Variants in PARVG observed in about 807,000 individuals in gnomAD.
PARVG encodes parvin gamma.
PARVG carries 36 observed loss-of-function variants against 44.4 expected under a neutral mutation model. The observed-to-expected ratio is 0.81, with a 90% CI of 0.62 to 1.07. The LOEUF (loss-of-function observed/expected upper bound fraction) is 1.07, where lower values mean the gene tolerates loss of function less well. Ranked by LOEUF, PARVG falls within the 50% of genes least tolerant of loss-of-function variation. PARVG has a pLI of 0.00. For missense variants in PARVG, 407 were observed against 407.4 expected (o/e 1.00, Z 0.01); for synonymous variants, 170 against 174.1 (o/e 0.98, Z 0.19).
chr22:44,181,949 A>C (rs956829423), intron 2 of PARVG, 32 bp downstream of exon 2: 3 of 985,380 alleles, frequency 3.0e-6, no homozygotes, highest in Non-Finnish European at 3.6e-6. Context: ...ACCATACTTG[A>C]GTGTTGGGGG....
chr22:44,183,842 G>C (rs1399637186), intron 3 of PARVG: 4 of 390,446 alleles, frequency 1.0e-5, no homozygotes, highest in African/African-American at 8.3e-5. Flanking sequence ...GCCCAAGGAG[G>C]GTGGTCCCAG....
At chr22:44,180,406 A>G (rs946531081), upstream of PARVG, among the ~76,000 whole-genome samples, 6 of 152,116 alleles carry the variant, frequency 3.9e-5, no homozygotes, top group African/African-American at 1.2e-4. Context: ...TGCTGCTGGG[A>G]CTGTGACTGC....
intron 5 of PARVG, 133 bp from the exon 6 acceptor site, chr22:44,188,981 C>T (rs1479906820): frequency 1.6e-6 from 2 of 1,228,014 alleles, no homozygotes; most frequent in African/African-American, 1.5e-5. Flanking sequence ...GGCCCACGGT[C>T]CAACACCAAG....
chr22:44,193,740 T>C (rs2054580878), intron 8 of PARVG, 61 bp from the exon 9 acceptor site: 1 of 1,596,780 alleles, frequency 6.3e-7, no homozygotes, highest in Non-Finnish European at 8.5e-7. Flanking sequence ...ATTGAGAAAT[T>C]GTAGGTTTGC....
At chr22:44,187,743 T>A in intron 4 of PARVG, 33 bp from the exon 5 acceptor site, 1 of 1,606,262 alleles carries the variant, frequency 6.2e-7, no homozygotes, top group South Asian at 1.1e-5. Context: ...GAAGTCTCCA[T>A]CCCCCCAAAA....
At chr22:44,174,493 G>T (rs765759811) in intron 1 of PARVG, among the ~76,000 whole-genome samples, 4 of 151,944 alleles carry the variant, frequency 2.6e-5, no homozygotes, top group Non-Finnish European at 5.9e-5. Context: ...GATCACTTGA[G>T]GCTAGGAGTT....
Position 44,195,554 on chromosome 22 carries a change from G to C in PARVG, c.584-601G>C, listed in dbSNP as rs114559389. 7.1e-3 allele frequency among the ~76,000 whole-genome samples: 1,082 copies of C among 152,368 alleles called. 9 individuals are homozygous for C. The highest frequency in any genetic ancestry group is 0.025 in the African/African-American group (1,024 of 41,590). On this transcript the variant is annotated intron_variant, in intron 9 of 13. Transcript: ENST00000444313. ...CACCCGAGGCTGGACCCCAGGGCCT[G>C]AGCCGCTGTTCCCAGACCCCAAGGG...
At chr22:44,176,550 G>A (rs1175793819), upstream of PARVG, among the ~76,000 whole-genome samples, 2 of 151,666 alleles carry the variant, frequency 1.3e-5, no homozygotes, top group Non-Finnish European at 2.9e-5. Flanking sequence ...GATACTTCAA[G>A]CATCTGAAGG....
chr22:44,190,061 A>G (rs139140), intron 6 of PARVG, among the ~76,000 whole-genome samples: 45,949 of 152,100 alleles, frequency 0.3, 7,743 homozygotes, highest in African/African-American at 0.42. Context: ...GCTGAAAGAA[A>G]TTATGCAGCT....
At chr22:44,196,889 T>C (rs577318988) in intron 11 of PARVG, among the ~76,000 whole-genome samples, 1 of 152,236 alleles carries the variant, frequency 6.6e-6, no homozygotes, top group South Asian at 2.1e-4. Flanking sequence ...TTAAGTCGAA[T>C]TTTCCCAGGA....
intron 1 of PARVG, chr22:44,181,484 T>G (rs1972091860): frequency 1.2e-6 from 1 of 824,496 alleles, no homozygotes; most frequent in Admixed American, 6.2e-5. Flanking sequence ...GACAGGGTGC[T>G]GGTGGTGGGT....
At chr22:44,200,176 G>C (rs1209428685) in intron 12 of PARVG, among the ~76,000 whole-genome samples, 1 of 152,216 alleles carries the variant, frequency 6.6e-6, no homozygotes, top group African/African-American at 2.4e-5. Context: ...GCCACAAGCT[G>C]TTCCCTTCCC....
At chr22:44,178,738 A>G (rs2054341332), upstream of PARVG, among the ~76,000 whole-genome samples, 1 of 152,198 alleles carries the variant, frequency 6.6e-6, no homozygotes, top group Non-Finnish European at 1.5e-5. Flanking sequence ...GAGACATGAA[A>G]ACCAAATGCA....
upstream of PARVG, chr22:44,180,854 AAGGGTAGAT>A (rs1394755142): frequency 4.2e-6 from 4 of 950,208 alleles, no homozygotes; most frequent in Admixed American, 1.8e-4. Flanking sequence ...ACCTGTCAGA[AAGGGTAGAT>A]AGCTTCCCAG....
At chr22:44,199,011 C>T (rs1163744418) in intron 12 of PARVG, among the ~76,000 whole-genome samples, 2 of 146,632 alleles carry the variant, frequency 1.4e-5, no homozygotes, top group Non-Finnish European at 3.0e-5. Flanking sequence ...CTATCCATCC[C>T]CATCTACCCA....
chr22:44,199,343 A>G (rs2054674384), intron 12 of PARVG, among the ~76,000 whole-genome samples: 1 of 151,450 alleles, frequency 6.6e-6, no homozygotes, highest in Admixed American at 6.6e-5. Flanking sequence ...TCATGCATCC[A>G]TCTGTTTGTC....
Position 44,190,596 on chromosome 22 carries a change from C to T in PARVG, c.434C>T (p.Ala145Val). The change falls in exon 7 of 14, where the codon GCC becomes GTC. Residue 145 changes from alanine (A) to valine (V), a missense_variant. Transcript: ENST00000444313. ...TTGTCTACCCTGCACCTCCTTGTGG[C>T]CCTGGCCAAGCGCTTCCAGCCCGAC... is the stretch of plus-strand genomic sequence containing the variant. The part of the protein sequence containing the change: ...DLLSTLHLLV[A>V]LAKRFQPDLS... 1 of 1,614,158 alleles carries T rather than the reference C, an allele frequency of 6.2e-7. No homozygotes were observed. Among genetic ancestry groups the T allele is most frequent in the South Asian group, 1.1e-5 (1 of 91,086 alleles).
At chr22:44,199,078 C>T (rs1238442878) in intron 12 of PARVG, among the ~76,000 whole-genome samples, 3 of 151,394 alleles carry the variant, frequency 2.0e-5, no homozygotes, top group South Asian at 2.1e-4. Flanking sequence ...AGCCACCCAC[C>T]ATCTATGCAC....
At position 44,196,412 on chromosome 22, in the gene PARVG, C is replaced by T. The variant is rs963979677; in HGVS notation, c.708C>T (p.Thr236=). ...GCCTGTCTGTGCAGAATCTGGACACCCAGGTAGGGACTGAGCTGCGGCGTC... is the reference window on the plus strand; with the variant it reads ...GCCTGTCTGTGCAGAATCTGGACACTCAGGTAGGGACTGAGCTGCGGCGTC... ...RLGLSVQNLD[T]QFADGVILLL... Residue 236 remains threonine (T), a synonymous_variant, in exon 11 of 14, where the codon ACC becomes ACT. Coordinates refer to ENST00000444313, the MANE Select transcript of PARVG (RefSeq NM_022141.7). The T allele has an allele frequency of 4.3e-6, 7 of 1,614,054 alleles. No homozygotes were observed. Among genetic ancestry groups the T allele is most frequent in the Non-Finnish European group, 5.9e-6 (7 of 1,180,044 alleles).
Sources: allele counts gnomAD v4.1 joint callset (sites outside exome capture counted in the v4.1 genomes callset), GRCh38; gene constraint gnomAD v4.1.1; transcripts MANE v1.5; gene names NCBI Gene and HGNC (gene_info 2026-07-23, HGNC 2026-07-21).